NKAIN2: variants seen among roughly 807,000 people sequenced by gnomAD.
NKAIN2 encodes sodium/potassium transporting ATPase interacting 2, also known as sodium/potassium-transporting ATPase subunit beta-1-interacting protein 2.
Under a neutral mutation model 32.6 loss-of-function variants are expected in NKAIN2, and 14 were observed. That is an observed-to-expected ratio of 0.43 (90% confidence interval 0.28 to 0.67). The LOEUF (loss-of-function observed/expected upper bound fraction) is 0.67, where lower values mean the gene tolerates loss of function less well. Among genes scored for constraint, NKAIN2 ranks in the 30% least tolerant of loss-of-function variants. NKAIN2 has a pLI of 0.17. For synonymous variants in NKAIN2, 80 were observed against 87.2 expected, an observed-to-expected ratio of 0.92 and a Z score of 0.46; for missense variants, 198 against 258.3, an observed-to-expected ratio of 0.77 and a Z score of 1.60.
chr6:124,803,854 T>C (rs960974429), intron 5 of NKAIN2, among the ~76,000 whole-genome samples: 6 of 152,212 alleles, frequency 3.9e-5, no homozygotes, highest in African/African-American at 1.4e-4. Context: ...ATTCCAATCA[T>C]TCCTTTTGTA....
intron 3 of NKAIN2, chr6:124,437,875 T>TTTTTTTG: frequency 2.7e-6 from 1 of 374,444 alleles, no homozygotes; most frequent in South Asian, 2.0e-5. Flanking sequence ...TCTATTGATT[T>TTTTTTTG]TTTTTTTTTT....
At chr6:123,997,104 A>G (rs12665368) in intron 1 of NKAIN2, among the ~76,000 whole-genome samples, 4 of 152,188 alleles carry the variant, frequency 2.6e-5, no homozygotes, top group Admixed American at 6.5e-5. Flanking sequence ...TATTTTGTCA[A>G]CCATGTCAGT....
chr6:124,414,332 G>A (rs1774363020), intron 3 of NKAIN2, among the ~76,000 whole-genome samples: 1 of 151,934 alleles, frequency 6.6e-6, no homozygotes, highest in South Asian at 2.1e-4. Flanking sequence ...ATTGACTTTT[G>A]AATTTTAAAC....
chr6:124,801,895 C>G (rs867365268), intron 5 of NKAIN2, among the ~76,000 whole-genome samples: 19 of 152,120 alleles, frequency 1.2e-4, no homozygotes, highest in Non-Finnish European at 2.2e-4. Flanking sequence ...CTTTTCGGAT[C>G]CATATTGACC....
chr6:124,765,733 A>T (rs1278235182), intron 4 of NKAIN2, among the ~76,000 whole-genome samples: 1 of 152,150 alleles, frequency 6.6e-6, no homozygotes, highest in East Asian at 1.9e-4. Flanking sequence ...GTGTACCACC[A>T]CCCTGAATCT....
rs116796535 is a variant in NKAIN2, at chr6:124,406,820, C to T, written c.273+51473C>T. Among the ~76,000 whole-genome samples the T allele has an allele frequency of 7.2e-3, 1,092 of 152,140 alleles. 7 individuals carry two copies. Among genetic ancestry groups the T allele is most frequent in the African/African-American group, 0.025 (1,052 of 41,534 alleles). The stretch of plus-strand genomic sequence containing the variant: ...GTGGTTTTAATAAGTGTTTTCATTA[C>T]GACTACTGATGTTGATCATCTTCTC... On this transcript the variant is annotated intron_variant, in intron 3 of 6. Transcript: ENST00000368417.
chr6:123,885,712 A>G (rs959368946), intron 1 of NKAIN2, among the ~76,000 whole-genome samples: 8 of 152,096 alleles, frequency 5.3e-5, no homozygotes, highest in African/African-American at 1.9e-4. Context: ...TGAGCTATAT[A>G]AAATTGTCCT....
At chr6:124,602,473 G>A (rs948628362) in intron 3 of NKAIN2, among the ~76,000 whole-genome samples, 1 of 151,800 alleles carries the variant, frequency 6.6e-6, no homozygotes, top group African/African-American at 2.4e-5. Context: ...TGTTTGGAAG[G>A]ACTTTGAGAA....
intron 3 of NKAIN2, among the ~76,000 whole-genome samples, chr6:124,371,600 A>G (rs1799762977): frequency 6.7e-6 from 1 of 149,918 alleles, no homozygotes; most frequent in African/African-American, 2.4e-5. Context: ...AGGCTGAGGC[A>G]GGAGAATCGC....
chr6:123,844,677 A>G (rs535231273), intron 1 of NKAIN2, among the ~76,000 whole-genome samples: 3 of 152,330 alleles, frequency 2.0e-5, no homozygotes, highest in South Asian at 2.1e-4. Context: ...GCTGTTGTCT[A>G]AAGAAAGTAA....
chr6:123,943,734 G>A (rs1429487959), intron 1 of NKAIN2, among the ~76,000 whole-genome samples: 2 of 152,004 alleles, frequency 1.3e-5, no homozygotes, highest in Non-Finnish European at 2.9e-5. Flanking sequence ...AGACTTTAAT[G>A]TATACTCAAC....
intron 1 of NKAIN2, among the ~76,000 whole-genome samples, chr6:124,035,574 G>A (rs1045623033): frequency 1.3e-5 from 2 of 151,986 alleles, no homozygotes; most frequent in African/African-American, 4.8e-5. Context: ...TTCTGTGCAA[G>A]TTCTATTATG....
chr6:124,501,871 T>G (rs1274843760), intron 3 of NKAIN2, among the ~76,000 whole-genome samples: 7 of 151,960 alleles, frequency 4.6e-5, no homozygotes, highest in African/African-American at 1.7e-4. Context: ...ATAGAACACA[T>G]AATACAAATT....
At chr6:124,757,187 T>A (rs1274711182) in intron 4 of NKAIN2, among the ~76,000 whole-genome samples, 1 of 152,196 alleles carries the variant, frequency 6.6e-6, no homozygotes, top group Non-Finnish European at 1.5e-5. Context: ...CCTTGCCAAC[T>A]TTAAAATATG....
chr6:124,318,345 G>A (rs920848867), intron 2 of NKAIN2, among the ~76,000 whole-genome samples: 1 of 151,362 alleles, frequency 6.6e-6, no homozygotes, highest in Non-Finnish European at 1.5e-5. Flanking sequence ...TCTTGTTTGG[G>A]GAGTTTTATG....
chr6:124,332,897 T>C (rs1555380), intron 2 of NKAIN2, among the ~76,000 whole-genome samples: 70,042 of 152,002 alleles, frequency 0.46, 16,310 homozygotes, highest in South Asian at 0.53. Flanking sequence ...GTTTCAAAAG[T>C]AGATAGAACT....
intron 3 of NKAIN2, among the ~76,000 whole-genome samples, chr6:124,425,336 T>G (rs948207651): frequency 6.6e-6 from 1 of 152,076 alleles, no homozygotes; most frequent in Non-Finnish European, 1.5e-5. Flanking sequence ...GGTTAAAGAC[T>G]TAAATATAAG....
At chr6:124,612,713 T>C (rs1782738524) in intron 3 of NKAIN2, among the ~76,000 whole-genome samples, 3 of 152,206 alleles carry the variant, frequency 2.0e-5, no homozygotes, top group Admixed American at 6.5e-5. Flanking sequence ...TATGAATATA[T>C]AGATTAAAAC....
chr6:124,409,897 C>T (rs982706479), intron 3 of NKAIN2, among the ~76,000 whole-genome samples: 1 of 152,144 alleles, frequency 6.6e-6, no homozygotes, highest in Non-Finnish European at 1.5e-5. Context: ...TTCAGAGATT[C>T]AACTGCTTCC....
Sources: allele counts gnomAD v4.1 joint callset (sites outside exome capture counted in the v4.1 genomes callset), GRCh38; gene constraint gnomAD v4.1.1; transcripts MANE v1.5; gene names NCBI Gene and HGNC (gene_info 2026-07-23, HGNC 2026-07-21).